FYB2: variants seen among roughly 807,000 people sequenced by gnomAD.
FYB2 encodes FYN binding protein 2, also known as FYN-binding protein 2.
Under a neutral mutation model 94.1 loss-of-function variants are expected in FYB2, and 103 were observed. The observed-to-expected ratio is 1.09, with a 90% CI of 0.93 to 1.29. FYB2 has a LOEUF of 1.29. FYB2 is among the 50% of genes most tolerant of loss of function. The pLI, the probability that FYB2 is intolerant of heterozygous loss-of-function variation, is 0.00. For missense variants in FYB2, 896 were observed against 841.5 expected, an observed-to-expected ratio of 1.06 and a Z score of -0.80; for synonymous variants, 293 against 287.9, an observed-to-expected ratio of 1.02 and a Z score of -0.18.
At chr1:56,801,360 C>G (rs1026018289) in intron 1 of FYB2, among the ~76,000 whole-genome samples, 4 of 152,284 alleles carry the variant, frequency 2.6e-5, no homozygotes, top group Non-Finnish European at 4.4e-5. Flanking sequence ...CAAACTAAAC[C>G]TACTGCTTCC....
At chr1:56,745,827 C>G (rs1156580334) in intron 9 of FYB2, among the ~76,000 whole-genome samples, 1 of 151,912 alleles carries the variant, frequency 6.6e-6, no homozygotes, top group African/African-American at 2.4e-5. Context: ...TTCTGTGACC[C>G]CATCTCCTAC....
At chr1:56,747,755 G>T (rs751145851) in intron 9 of FYB2, among the ~76,000 whole-genome samples, 1 of 152,118 alleles carries the variant, frequency 6.6e-6, no homozygotes, top group African/African-American at 2.4e-5. Flanking sequence ...AATCCTTTGG[G>T]TATATACCCA....
intron 9 of FYB2, among the ~76,000 whole-genome samples, chr1:56,747,809 C>T (rs1170260323): frequency 6.6e-6 from 1 of 152,076 alleles, no homozygotes; most frequent in African/African-American, 2.4e-5. Flanking sequence ...GTTCTAGATC[C>T]TTGAGGAATC....
intron 1 of FYB2, among the ~76,000 whole-genome samples, chr1:56,815,942 T>C (rs1646872754): frequency 6.6e-6 from 1 of 152,184 alleles, no homozygotes; most frequent in African/African-American, 2.4e-5. Context: ...TACCTCTGAT[T>C]TAGGAAAAGA....
chr1:56,792,381 C>T lies in FYB2; in HGVS notation c.432G>A (p.Glu144=). 1 of 1,614,180 alleles carries T rather than the reference C, an allele frequency of 6.2e-7. No individual in the cohort carries two copies. Among genetic ancestry groups the T allele is most frequent in the Non-Finnish European group, 8.5e-7 (1 of 1,180,026 alleles). The change falls in exon 2 of 20, where the codon GAG becomes GAA. Residue 144 remains glutamate, a synonymous_variant. Coordinates refer to ENST00000343433, the MANE Select transcript of FYB2 (RefSeq NM_001004303.5). ...NSFRNKLWNW[E]KVSSQKSEMS... Reference sequence around the variant, plus strand: ...TTTCACTTTTCTGAGATGAAACCTTCTCCCAGTTCCAGAGTTTGTTTCTGA... The same window carrying T: ...TTTCACTTTTCTGAGATGAAACCTTTTCCCAGTTCCAGAGTTTGTTTCTGA...
intron 6 of FYB2, among the ~76,000 whole-genome samples, chr1:56,757,722 C>CTT (rs1204024306): frequency 8.8e-6 from 1 of 114,200 alleles, no homozygotes; most frequent in Non-Finnish European, 1.8e-5. Context: ...TTCTTTCTTT[C>CTT]TTTCTTTCTT....
intron 6 of FYB2, among the ~76,000 whole-genome samples, chr1:56,757,723 TTTCTTTCTTTCATTC>T (rs1645382409): frequency 8.7e-6 from 1 of 114,970 alleles, no homozygotes; most frequent in South Asian, 3.0e-4. Flanking sequence ...TCTTTCTTTC[TTTCTTTCTTTCATTC>T]TTTCTTTCTT....
chr1:56,740,121 G>T (rs1328791392), intron 13 of FYB2, among the ~76,000 whole-genome samples: 1 of 151,966 alleles, frequency 6.6e-6, no homozygotes, highest in East Asian at 1.9e-4. Flanking sequence ...TAGAATCCAG[G>T]TCCCCTCACA....
chr1:56,751,347 C>G, intron 8 of FYB2, 144 bp from the exon 9 acceptor site: 1 of 961,662 alleles, frequency 1.0e-6, no homozygotes, highest in East Asian at 2.7e-5. Flanking sequence ...TTACTAGACT[C>G]TAAGTTTCCT....
intron 9 of FYB2, 111 bp from the exon 10 acceptor site, chr1:56,744,377 G>A (rs1415507986): frequency 1.5e-5 from 11 of 752,650 alleles, no homozygotes; most frequent in Non-Finnish European, 2.4e-5. Context: ...GATTAAATGG[G>A]CTAAAATTGG....
intron 4 of FYB2, among the ~76,000 whole-genome samples, chr1:56,780,790 GA>G (rs1645990691): frequency 6.6e-6 from 1 of 152,158 alleles, no homozygotes; most frequent in Admixed American, 6.5e-5. Flanking sequence ...TGCTCCTTGT[GA>G]AAAACAGGCC....
chr1:56,752,074 G>A (rs954216368), intron 8 of FYB2, among the ~76,000 whole-genome samples: 13 of 151,972 alleles, frequency 8.6e-5, no homozygotes, highest in African/African-American at 1.9e-4. Flanking sequence ...GGAAGTGTTT[G>A]TGTCCTTATA....
intron 3 of FYB2, 103 bp downstream of exon 3, chr1:56,788,870 C>T (rs1646192070): frequency 6.8e-7 from 1 of 1,473,568 alleles, no homozygotes; most frequent in Non-Finnish European, 9.5e-7. Flanking sequence ...GATGGATGTC[C>T]AGCCTCATGG....
rs773541246 is a variant in FYB2 at position 56,743,431 on chromosome 1, A to G, written c.1543+595T>C. On this transcript the variant is annotated intron_variant, in intron 11 of 19. Coordinates refer to ENST00000343433, the MANE Select transcript of FYB2 (RefSeq NM_001004303.5). ...TATGAGATTGTACACCAAGGAGAATATTCCCTGTGGAAATAATGATTGAGC... is the reference window on the plus strand; with the variant it reads ...TATGAGATTGTACACCAAGGAGAATGTTCCCTGTGGAAATAATGATTGAGC... Among the ~76,000 whole-genome samples, 13 of 152,084 alleles carry G rather than the reference A, an allele frequency of 8.5e-5. 1 individual carries two copies. Among genetic ancestry groups the G allele is most frequent in the Non-Finnish European group, 1.8e-4 (12 of 67,978 alleles).
intron 4 of FYB2, 87 bp downstream of exon 4, chr1:56,787,088 G>T: frequency 7.2e-7 from 1 of 1,395,868 alleles, no homozygotes; most frequent in South Asian, 1.2e-5. Context: ...ACAGATTCTT[G>T]GTTTGTGCTA....
rs187745545 is a variant in FYB2 at position 56,808,420 on chromosome 1, T to C, written c.9+10862A>G. Among the ~76,000 whole-genome samples, 152 of 152,350 alleles carry C rather than the reference T, an allele frequency of 1.0e-3. 3 individuals are homozygous for C. The East Asian group carries it at 0.022, about 22-fold the overall frequency. ...GCCAAAATTGATGCTTGACAGCCTT[T>C]CTGCTTTCTAAATATGTATTCTTCT... On this transcript the variant is annotated intron_variant, in intron 1 of 19. Transcript: ENST00000343433.
intron 15 of FYB2, among the ~76,000 whole-genome samples, chr1:56,727,049 A>G (rs148659166): frequency 6.6e-6 from 1 of 152,238 alleles, no homozygotes; most frequent in African/African-American, 2.4e-5. Context: ...TCCAGGCAAA[A>G]GAGAATGCAG....
rs538553515 is a variant in FYB2 at position 56,740,825 on chromosome 1, T to C, written c.1605-30A>G. 4 of 1,464,268 alleles carry C rather than the reference T, an allele frequency of 2.7e-6. No individual in the cohort carries two copies. In the South Asian group the frequency reaches 4.8e-5, roughly 18 times the overall value. 90.7% of individuals were successfully genotyped at this position (1,464,268 alleles called of 1,614,324 possible). On this transcript the variant is annotated intron_variant, in intron 12 of 19. Transcript: ENST00000343433. ...GAGGAATCACAGGATATAAGTAACA[T>C]GGCATTTAAGAGAGTACTAGAGATA...
chr1:56,799,104 C>T (rs1188380384), intron 1 of FYB2, among the ~76,000 whole-genome samples: 1 of 152,118 alleles, frequency 6.6e-6, no homozygotes, highest in African/African-American at 2.4e-5. Context: ...TTAATTTCCA[C>T]AATAACCCCA....
Sources: gnomAD v4.1 joint callset for allele counts (sites outside exome capture counted in the v4.1 genomes callset) on GRCh38, gnomAD v4.1.1 for gene constraint, MANE v1.5 for transcripts, NCBI Gene and HGNC (gene_info 2026-07-23, HGNC 2026-07-21) for gene names.